SPATA13: variants seen among roughly 807,000 people sequenced by gnomAD.
SPATA13 encodes spermatogenesis associated 13.
In SPATA13, 50 loss-of-function variants were observed where a neutral mutation model predicts 104.0. That is an observed-to-expected ratio of 0.48 (90% CI 0.38 to 0.61). SPATA13 has a LOEUF of 0.61. Among genes scored for constraint, SPATA13 ranks in the 20% least tolerant of loss-of-function variants. The pLI is 0.00. For missense variants in SPATA13, 1,524 were observed against 1,690.6 expected (o/e 0.90, Z 1.73); for synonymous variants, 606 against 667.5 (o/e 0.91, Z 1.42).
In SPATA13 at chr13:24,118,560, G is replaced by C. The variant is rs9580878; in HGVS notation, c.-112+100859G>C. Among the ~76,000 whole-genome samples, 309 of 152,244 alleles carry C rather than the reference G, an allele frequency of 2.0e-3. 1 individual carries two copies. Among genetic ancestry groups the C allele is most frequent in the African/African-American group, 7.1e-3 (294 of 41,548 alleles). On this transcript the variant is annotated intron_variant, in intron 3 of 14. Transcript: ENST00000424834. ...CTCCTAGGTGGTTTATTAAAACACA[G>C]ATGACTTAAGCCCCACCCCCTGAAT...
chr13:24,024,356 C>CGGATGGATGGATGGAT (rs71070644), intron 3 of SPATA13, among the ~76,000 whole-genome samples: 114 of 150,996 alleles, frequency 7.5e-4, no homozygotes, highest in African/African-American at 2.7e-3. Context: ...AATGGATGGA[C>CGGATGGATGGATGGAT]GGATGGATGG....
At position 24,232,226 on chromosome 13, in the gene SPATA13, C is replaced by G. The variant is rs112986495; in HGVS notation, c.1653+7644C>G. ...GTGTAAGTCATGGAGTCCGAAGGCCCAAGAACCAGGAGCTTCAGTGTTCCT... is the reference window on the plus strand; with the variant it reads ...GTGTAAGTCATGGAGTCCGAAGGCCGAAGAACCAGGAGCTTCAGTGTTCCT... On this transcript the variant is annotated intron_variant, in intron 2 of 12. Coordinates refer to ENST00000382108, the MANE Select transcript of SPATA13 (RefSeq NM_001166271.3). 1.5e-3 allele frequency among the ~76,000 whole-genome samples: 221 copies of G among 152,242 alleles called. 2 individuals carry two copies. Among genetic ancestry groups the G allele is most frequent in the African/African-American group, 5.1e-3 (212 of 41,522 alleles).
At chr13:24,265,766 C>T (rs1874270802) in intron 4 of SPATA13, among the ~76,000 whole-genome samples, 1 of 152,112 alleles carries the variant, frequency 6.6e-6, no homozygotes, top group South Asian at 2.1e-4. Flanking sequence ...TAGCACCTGT[C>T]CTGTAGTTCT....
intron 4 of SPATA13, among the ~76,000 whole-genome samples, chr13:24,257,623 T>C (rs1339653297): frequency 6.6e-6 from 1 of 151,938 alleles, no homozygotes; most frequent in Non-Finnish European, 1.5e-5. Context: ...TTTTTTTTTT[T>C]TGGCAAATAT....
intron 1 of SPATA13, among the ~76,000 whole-genome samples, chr13:24,166,541 C>T (rs548079914): frequency 3.3e-5 from 5 of 152,198 alleles, no homozygotes; most frequent in South Asian, 2.1e-4. Context: ...TAGCCCCAAG[C>T]ACATCAGTCA....
chr13:23,987,805 T>C (rs9510985), intron 2 of SPATA13, among the ~76,000 whole-genome samples: 40,134 of 152,136 alleles, frequency 0.26, 6,126 homozygotes, highest in Non-Finnish European at 0.34. Flanking sequence ...TTCTACTTTC[T>C]GTCTCTATGA....
rs766626994 is a variant in SPATA13, at chr13:24,240,222, T to C, written c.1654-9255T>C. On this transcript the variant is annotated intron_variant, in intron 2 of 12. Coordinates refer to ENST00000382108, the MANE Select transcript of SPATA13 (RefSeq NM_001166271.3). Reference sequence around the variant, plus strand: ...CTGCAATGAGCCGTGATTGCACCACTGCACTGCAGCCTGATGACAGAGTGA... The same window carrying C: ...CTGCAATGAGCCGTGATTGCACCACCGCACTGCAGCCTGATGACAGAGTGA... Among the ~76,000 whole-genome samples the C allele has an allele frequency of 5.9e-5, 9 of 151,808 alleles. No homozygotes were observed. In the South Asian group the frequency reaches 6.2e-4, roughly 10 times the overall value.
At chr13:24,097,003 GAGGAGACA>G (rs758305695) in intron 3 of SPATA13, among the ~76,000 whole-genome samples, 1 of 152,236 alleles carries the variant, frequency 6.6e-6, no homozygotes, top group African/African-American at 2.4e-5. Flanking sequence ...GGGGACAAAA[GAGGAGACA>G]AGGAGCCTAG....
At chr13:24,098,876 G>A (rs574320846) in intron 3 of SPATA13, among the ~76,000 whole-genome samples, 1 of 149,640 alleles carries the variant, frequency 6.7e-6, no homozygotes, top group East Asian at 2.0e-4. Context: ...GCAGTGAGCT[G>A]CGATCGCACC....
chr13:24,263,337 G>A (rs1277643788), intron 4 of SPATA13, among the ~76,000 whole-genome samples: 1 of 152,220 alleles, frequency 6.6e-6, no homozygotes, highest in African/African-American at 2.4e-5. Context: ...GAGAATTGGT[G>A]ATGGAGCACT....
At chr13:24,261,769 G>A (rs1156954220) in intron 4 of SPATA13, among the ~76,000 whole-genome samples, 4 of 151,760 alleles carry the variant, frequency 2.6e-5, no homozygotes, top group Admixed American at 2.6e-4. Context: ...GGAGCTTCGT[G>A]CCCTTAAAAA....
In SPATA13 at chr13:24,249,683, G is replaced by C; in HGVS notation, c.1860G>C (p.Glu620Asp). Reference sequence around the variant, plus strand: ...CCCAGAAGGAAGACCGTGTGGACGAGGACCCCCAGGCAAGCATGACTTCTG... The same window carrying C: ...CCCAGAAGGAAGACCGTGTGGACGACGACCCCCAGGCAAGCATGACTTCTG... ...ADPQKEDRVD[E>D]DPQASMTSAS... is the part of the protein sequence containing the mutation. Residue 620 changes from glutamate (E) to aspartate (D), a missense_variant, in exon 3 of 13, where the codon GAG becomes GAC. Physicochemically the swap from Glu to Asp is conservative, Grantham distance 45 (BLOSUM62 2). This residue lies in a region of SPATA13 where 1,089 missense variants were observed against 1,135.9 expected (regional missense o/e 0.96). Coordinates refer to ENST00000382108, the MANE Select transcript of SPATA13 (RefSeq NM_001166271.3). The C allele has an allele frequency of 1.2e-6, 2 of 1,614,194 alleles. No individual in the cohort carries two copies. The highest frequency in any genetic ancestry group is 1.7e-6 in the Non-Finnish European group (2 of 1,180,020).
At chr13:24,054,160 C>T (rs1413520622) in intron 3 of SPATA13, among the ~76,000 whole-genome samples, 1 of 152,058 alleles carries the variant, frequency 6.6e-6, no homozygotes, top group Non-Finnish European at 1.5e-5. Flanking sequence ...CATGAGAGAT[C>T]CCTCGTCTGC....
intron 12 of SPATA13, among the ~76,000 whole-genome samples, chr13:24,301,907 A>G (rs767044763): frequency 1.3e-5 from 2 of 152,186 alleles, no homozygotes; most frequent in African/African-American, 2.4e-5. Context: ...TTTAATTCTC[A>G]TAGCAACCCC....
At chr13:24,267,793 C>T (rs1353599986) in intron 4 of SPATA13, among the ~76,000 whole-genome samples, 1 of 152,232 alleles carries the variant, frequency 6.6e-6, no homozygotes, top group East Asian at 1.9e-4. Flanking sequence ...CCATTCATTC[C>T]ATGGTCTTCA....
chr13:24,041,098 G>T (rs1037742770), intron 3 of SPATA13, among the ~76,000 whole-genome samples: 13 of 152,182 alleles, frequency 8.5e-5, no homozygotes, highest in Admixed American at 7.9e-4. Flanking sequence ...TTATCTATAG[G>T]AACATTGTGG....
At chr13:24,041,321 AG>A (rs1342531696) in intron 3 of SPATA13, among the ~76,000 whole-genome samples, 6 of 152,246 alleles carry the variant, frequency 3.9e-5, no homozygotes, top group African/African-American at 1.2e-4. Flanking sequence ...TTACAGATAA[AG>A]GGTTTTTGTT....
chr13:24,133,748 A>G (rs1386378057), intron 3 of SPATA13, among the ~76,000 whole-genome samples: 1 of 152,130 alleles, frequency 6.6e-6, no homozygotes, highest in African/African-American at 2.4e-5. Flanking sequence ...AGCACAGGGG[A>G]GGAGAGGCAG....
chr13:24,059,267 G>A (rs1037612130), intron 3 of SPATA13, among the ~76,000 whole-genome samples: 2 of 151,658 alleles, frequency 1.3e-5, no homozygotes, highest in Non-Finnish European at 2.9e-5. Flanking sequence ...CACTGCATCC[G>A]GCCTGGCCTG....
Sources: allele counts gnomAD v4.1 joint callset (sites outside exome capture counted in the v4.1 genomes callset), GRCh38; gene constraint gnomAD v4.1.1; regional missense constraint gnomAD v4.1.1; transcripts MANE v1.5; gene names NCBI Gene and HGNC (gene_info 2026-07-23, HGNC 2026-07-21).